The following STK32B variants were observed in gnomAD, a reference collection of about 807,000 sequenced individuals.
The protein encoded by STK32B is serine/threonine kinase 32B, also known as serine/threonine-protein kinase 32B.
A neutral mutation model predicts 52.6 loss-of-function variants in STK32B; 43 were observed. That is an observed-to-expected ratio of 0.82 (90% CI 0.64 to 1.05). The LOEUF (loss-of-function observed/expected upper bound fraction) is 1.05, where lower values mean the gene tolerates loss of function less well. Among genes scored for constraint, STK32B ranks in the 50% least tolerant of loss-of-function variants. The probability of loss-of-function intolerance (pLI) is 0.00; values close to 1 mark genes in which losing one functional copy is unlikely to be tolerated. For synonymous variants in STK32B, 238 were observed against 204.3 expected, an observed-to-expected ratio of 1.17 and a Z score of -1.41; for missense variants, 621 against 534.6, an observed-to-expected ratio of 1.16 and a Z score of -1.59.
At chr4:5,111,774 T>C (rs1480437596) in intron 1 of STK32B, among the ~76,000 whole-genome samples, 1 of 151,982 alleles carries the variant, frequency 6.6e-6, no homozygotes. Flanking sequence ...AAGAAAACGA[T>C]GTGTATGGAC....
At chr4:5,369,088 G>A (rs935402438) in intron 4 of STK32B, among the ~76,000 whole-genome samples, 9 of 151,898 alleles carry the variant, frequency 5.9e-5, no homozygotes, top group East Asian at 1.9e-4. Flanking sequence ...AGGTGTGAGC[G>A]GAAACATGGC....
At chr4:5,203,350 T>A (rs552368237) in intron 3 of STK32B, among the ~76,000 whole-genome samples, 1 of 152,226 alleles carries the variant, frequency 6.6e-6, no homozygotes, top group South Asian at 2.1e-4. Context: ...AATAAACAAT[T>A]TTTGCCCATT....
chr4:5,039,624 A>G, the STK32B span, among the ~76,000 whole-genome samples: 3 of 152,210 alleles, frequency 2.0e-5, no homozygotes, highest in African/African-American at 7.2e-5. Flanking sequence ...TAAGTACATA[A>G]ACTTTTAACA....
chr4:5,066,351 A>G (rs1742424985), intron 1 of STK32B, among the ~76,000 whole-genome samples: 1 of 152,136 alleles, frequency 6.6e-6, no homozygotes, highest in Non-Finnish European at 1.5e-5. Flanking sequence ...ATCACGTTTC[A>G]TGTGGACTCT....
chr4:5,282,500 C>T (rs749710639), intron 3 of STK32B, among the ~76,000 whole-genome samples: 42 of 152,142 alleles, frequency 2.8e-4, no homozygotes, highest in Middle Eastern at 3.2e-3. Context: ...ATAGAAGTTA[C>T]ATGGATGTGA....
At position 5,136,614 on chromosome 4, in the gene STK32B, A is replaced by G. The variant is rs192089864; in HGVS notation, c.53-3291A>G. 2.0e-5 allele frequency among the ~76,000 whole-genome samples: 3 copies of G among 152,278 alleles called. No individual in the cohort carries two copies. The East Asian group carries it at 5.8e-4, about 29-fold the overall frequency. ...CCAAGGAAACCAGGACAAGATGGTC[A>G]CCCAAAGAAACCACTCTTCAACCCT... On this transcript the variant is annotated intron_variant, in intron 1 of 11. Coordinates refer to ENST00000282908, the MANE Select transcript of STK32B (RefSeq NM_018401.3).
Position 5,246,981 on chromosome 4 carries a change from C to T in STK32B, c.260+78531C>T, listed in dbSNP as rs528878810. Reference sequence around the variant, plus strand: ...GGCTGTATAAGGTGCCGGTCCGCCCCTACTGGGGGGTACCTCCCTGTTAGG... The same window carrying T: ...GGCTGTATAAGGTGCCGGTCCGCCCTTACTGGGGGGTACCTCCCTGTTAGG... On this transcript the variant is annotated intron_variant, in intron 3 of 11. Coordinates refer to ENST00000282908, the MANE Select transcript of STK32B (RefSeq NM_018401.3). 5.4e-4 allele frequency among the ~76,000 whole-genome samples: 82 copies of T among 152,320 alleles called. 2 individuals carry two copies. The South Asian group carries it at 0.015, about 28-fold the overall frequency.
At chr4:5,430,968 G>C (rs1713526678) in intron 6 of STK32B, among the ~76,000 whole-genome samples, 2 of 152,210 alleles carry the variant, frequency 1.3e-5, no homozygotes, top group African/African-American at 4.8e-5. Flanking sequence ...ATGTGGCAGA[G>C]GGTGGGGAGA....
chr4:5,182,812 C>T (rs1301164866), intron 3 of STK32B, among the ~76,000 whole-genome samples: 3 of 150,034 alleles, frequency 2.0e-5, no homozygotes, highest in Non-Finnish European at 4.5e-5. Context: ...ACTCCTTGAT[C>T]CATGGGCTGC....
the STK32B span, chr4:5,019,503 C>A: frequency 8.6e-6 from 12 of 1,400,428 alleles, no homozygotes; most frequent in Non-Finnish European, 3.7e-6. Context: ...TGGGGGTGGT[C>A]CAGGGCGGCT....
chr4:5,045,666 C>T, the STK32B span, among the ~76,000 whole-genome samples: 7 of 151,998 alleles, frequency 4.6e-5, no homozygotes, highest in African/African-American at 7.3e-5. Flanking sequence ...CTCTTTGTAG[C>T]GATTGTGAAT....
At chr4:5,284,470 G>A (rs1016788966) in intron 3 of STK32B, among the ~76,000 whole-genome samples, 1 of 151,616 alleles carries the variant, frequency 6.6e-6, no homozygotes, top group Non-Finnish European at 1.5e-5. Flanking sequence ...GGTTCGTATG[G>A]TTTTTTTTGT....
At chr4:5,028,257 A>T in the STK32B span, among the ~76,000 whole-genome samples, 5 of 152,074 alleles carry the variant, frequency 3.3e-5, no homozygotes, top group Non-Finnish European at 5.9e-5. Flanking sequence ...CCTCAGGAGG[A>T]TCTGGGACTA....
chr4:5,367,098 A>G (rs1005011167), intron 4 of STK32B, among the ~76,000 whole-genome samples: 2 of 152,172 alleles, frequency 1.3e-5, no homozygotes, highest in Admixed American at 1.3e-4. Flanking sequence ...GAAGAAAAAA[A>G]AGAAAAACTT....
chr4:5,334,632 T>C (rs1184041080), intron 4 of STK32B, among the ~76,000 whole-genome samples: 11 of 152,130 alleles, frequency 7.2e-5, no homozygotes, highest in African/African-American at 1.2e-4. Flanking sequence ...ATAGCTCTTA[T>C]TATTTTGAGA....
intron 4 of STK32B, among the ~76,000 whole-genome samples, chr4:5,381,108 TA>T (rs1735907709): frequency 6.6e-6 from 1 of 152,242 alleles, no homozygotes; most frequent in African/African-American, 2.4e-5. Context: ...TCGTCCACTG[TA>T]TTTTAAGTAG....
At chr4:5,381,442 T>C (rs1439824966) in intron 4 of STK32B, among the ~76,000 whole-genome samples, 1 of 152,288 alleles carries the variant, frequency 6.6e-6, no homozygotes, top group African/African-American at 2.4e-5. Context: ...GCAGCTGCCC[T>C]CTCATCTGCA....
intron 3 of STK32B, among the ~76,000 whole-genome samples, chr4:5,318,118 T>C (rs945132634): frequency 6.6e-6 from 1 of 152,088 alleles, no homozygotes; most frequent in African/African-American, 2.4e-5. Flanking sequence ...TGTGTGTGTG[T>C]GCACGCTTGT....
At position 5,456,912 on chromosome 4, in the gene STK32B, C is replaced by T. The variant is rs760317489; in HGVS notation, c.772C>T (p.Leu258=). 1.3e-5 allele frequency: 21 copies of T among 1,559,320 alleles called. No homozygotes were observed. In the African/African-American group the frequency reaches 2.2e-4, roughly 16 times the overall value. The change falls in exon 8 of 12, where the codon CTG becomes TTG. Residue 258 remains leucine (L), a synonymous_variant. Transcript: ENST00000282908. ...SSTWCKGMVA[L]LRKLLTKDPE... ...CACGTGGTGCAAGGGGATGGTGGCC[C>T]TGCTGAGGAAGGTAAGGGGGCAGCT...
Sources: gnomAD v4.1 joint callset for allele counts (sites outside exome capture counted in the v4.1 genomes callset) on GRCh38, gnomAD v4.1.1 for gene constraint, MANE v1.5 for transcripts, NCBI Gene and HGNC (gene_info 2026-07-23, HGNC 2026-07-21) for gene names.